The following SH3RF3 variants were observed in gnomAD, a reference collection of about 807,000 sequenced individuals.
SH3RF3 encodes SH3 domain containing ring finger 3.
A neutral mutation model predicts 66.3 loss-of-function variants in SH3RF3; 29 were observed. That is an observed-to-expected ratio of 0.44 (90% CI 0.33 to 0.60). SH3RF3 has a LOEUF of 0.60. Ranked by LOEUF, SH3RF3 falls within the 20% of genes least tolerant of loss-of-function variation. The pLI is 0.04. For synonymous variants in SH3RF3, 583 were observed against 532.0 expected (o/e 1.10, Z -1.32); for missense variants, 1,194 against 1,190.9 (o/e 1.00, Z -0.04).
At chr2:109,444,636 A>G (rs2104615149) in intron 7 of SH3RF3, among the ~76,000 whole-genome samples, 1 of 152,344 alleles carries the variant, frequency 6.6e-6, no homozygotes, top group South Asian at 2.1e-4. Context: ...GGACTAGCTC[A>G]GCACCCTCTC....
intron 1 of SH3RF3, among the ~76,000 whole-genome samples, chr2:109,169,554 C>T (rs1429417900): frequency 6.6e-6 from 1 of 152,000 alleles, no homozygotes; most frequent in Non-Finnish European, 1.5e-5. Context: ...TCTAAGGGGT[C>T]CAGGCTAAAG....
At chr2:109,446,812 A>G (rs1677717969) in intron 7 of SH3RF3, among the ~76,000 whole-genome samples, 1 of 152,018 alleles carries the variant, frequency 6.6e-6, no homozygotes, top group African/African-American at 2.4e-5. Flanking sequence ...GCGGCAGGCG[A>G]GGGGAAGCCG....
intron 1 of SH3RF3, among the ~76,000 whole-genome samples, chr2:109,284,723 G>T (rs1298374838): frequency 6.6e-6 from 1 of 152,162 alleles, no homozygotes; most frequent in Non-Finnish European, 1.5e-5. Flanking sequence ...ATCATCTTCT[G>T]TGCACACCTC....
intron 1 of SH3RF3, among the ~76,000 whole-genome samples, chr2:109,337,943 G>A (rs1203960941): frequency 6.6e-6 from 1 of 151,876 alleles, no homozygotes; most frequent in Non-Finnish European, 1.5e-5. Flanking sequence ...CGTTACCCCG[G>A]CTGGTCTGGA....
intron 1 of SH3RF3, among the ~76,000 whole-genome samples, chr2:109,307,435 T>TTA (rs5833326): frequency 0.3 from 45,315 of 149,912 alleles, 8,378 homozygotes; most frequent in African/African-American, 0.53. Flanking sequence ...TTTTTTTTAT[T>TTA]ATTATACTTT....
chr2:109,500,676 C>T (rs1040045170), intron 9 of SH3RF3, among the ~76,000 whole-genome samples: 9 of 152,144 alleles, frequency 5.9e-5, no homozygotes, highest in Admixed American at 5.2e-4. Context: ...AGGTTAGGCA[C>T]GGTGGCTCAT....
intron 1 of SH3RF3, among the ~76,000 whole-genome samples, chr2:109,146,881 T>TCCC (rs1325774239): frequency 2.6e-4 from 2 of 7,810 alleles, no homozygotes; most frequent in Non-Finnish European, 2.1e-4. Context: ...TCTTCTTTTT[T>TCCC]CCCTCCCCCC....
chr2:109,381,624 G>A (rs1483544431), intron 3 of SH3RF3, among the ~76,000 whole-genome samples: 3 of 151,864 alleles, frequency 2.0e-5, no homozygotes, highest in East Asian at 1.9e-4. Context: ...GTTAGGCTGT[G>A]GCTCGCAAAC....
chr2:109,288,565 A>G (rs1164765499), intron 1 of SH3RF3, among the ~76,000 whole-genome samples: 1 of 152,184 alleles, frequency 6.6e-6, no homozygotes, highest in Non-Finnish European at 1.5e-5. Context: ...AGTCACCTCC[A>G]TTTCCTTTCT....
At chr2:109,373,162 A>G (rs1683311348) in intron 3 of SH3RF3, among the ~76,000 whole-genome samples, 1 of 152,198 alleles carries the variant, frequency 6.6e-6, no homozygotes, top group Non-Finnish European at 1.5e-5. Flanking sequence ...TCTGCCCTCA[A>G]CACTTCGCAA....
rs12621934 is a variant in SH3RF3, at chr2:109,289,444, A to G, written c.574-58230A>G. ...ACATGAGCTTGGATTTCTTGATGCTACATGTCACGGATTGGCAGGAAATGG... is the reference window on the plus strand; with the variant it reads ...ACATGAGCTTGGATTTCTTGATGCTGCATGTCACGGATTGGCAGGAAATGG... On this transcript the variant is annotated intron_variant, in intron 1 of 9. Transcript: ENST00000309415. Among the ~76,000 whole-genome samples, 1,219 of 152,244 alleles carry G rather than the reference A, an allele frequency of 8.0e-3. 12 individuals are homozygous for G. Among genetic ancestry groups the G allele is most frequent in the East Asian group, 0.037 (194 of 5,182 alleles).
chr2:109,183,674 C>T (rs189480930), intron 1 of SH3RF3, among the ~76,000 whole-genome samples: 1 of 152,338 alleles, frequency 6.6e-6, no homozygotes, highest in African/African-American at 2.4e-5. Context: ...ATGTACAGTT[C>T]ATCCCTGAAA....
At chr2:109,464,999 AAC>A (rs1678301391) in intron 8 of SH3RF3, among the ~76,000 whole-genome samples, 2 of 152,238 alleles carry the variant, frequency 1.3e-5, no homozygotes, top group Non-Finnish European at 2.9e-5. Context: ...AACTCCTGGC[AAC>A]CACTGACCTT....
intron 1 of SH3RF3, among the ~76,000 whole-genome samples, chr2:109,323,163 A>G (rs1682070022): frequency 6.6e-6 from 1 of 152,166 alleles, no homozygotes; most frequent in Non-Finnish European, 1.5e-5. Flanking sequence ...AGACAATGCA[A>G]TGGGTGGGAA....
chr2:109,419,485 C>G, intron 4 of SH3RF3, 54 bp from the exon 5 acceptor site: 1 of 1,526,984 alleles, frequency 6.5e-7, no homozygotes, highest in Non-Finnish European at 8.9e-7. Context: ...TTTTCTCTTT[C>G]CCTTGGATGG....
intron 7 of SH3RF3, among the ~76,000 whole-genome samples, chr2:109,447,769 G>A (rs1012360528): frequency 4.6e-5 from 7 of 152,306 alleles, no homozygotes; most frequent in African/African-American, 1.7e-4. Context: ...TTAATGTGGT[G>A]CTGTGTTTAA....
intron 1 of SH3RF3, among the ~76,000 whole-genome samples, chr2:109,224,544 T>G (rs1162650475): frequency 6.6e-6 from 1 of 152,182 alleles, no homozygotes; most frequent in East Asian, 1.9e-4. Context: ...GTGGCCGGCG[T>G]GGCTCAGGAA....
At chr2:109,474,229 G>A (rs1034914679) in intron 8 of SH3RF3, among the ~76,000 whole-genome samples, 6 of 152,192 alleles carry the variant, frequency 3.9e-5, no homozygotes, top group African/African-American at 1.2e-4. Flanking sequence ...AGGGAGGTGG[G>A]TGTGGGCACA....
intron 1 of SH3RF3, among the ~76,000 whole-genome samples, chr2:109,166,452 G>A (rs1437596675): frequency 8.7e-6 from 1 of 114,594 alleles, no homozygotes; most frequent in Admixed American, 9.5e-5. Flanking sequence ...ACTCCAGCCT[G>A]GTGACAGAAA....
Sources: allele counts gnomAD v4.1 joint callset (sites outside exome capture counted in the v4.1 genomes callset), GRCh38; gene constraint gnomAD v4.1.1; transcripts MANE v1.5; gene names NCBI Gene and HGNC (gene_info 2026-07-23, HGNC 2026-07-21).